The following RSRC1 variants were observed in gnomAD, a reference collection of about 807,000 sequenced individuals.
RSRC1 encodes arginine and serine rich coiled-coil 1.
Under a neutral mutation model 49.1 loss-of-function variants are expected in RSRC1, and 39 were observed. That is an observed-to-expected ratio of 0.79 (90% CI 0.61 to 1.04). The LOEUF (loss-of-function observed/expected upper bound fraction) is 1.04, where lower values mean the gene tolerates loss of function less well. Ranked by LOEUF, RSRC1 falls within the 50% of genes least tolerant of loss-of-function variation. The probability of loss-of-function intolerance (pLI) is 0.00; values close to 1 mark genes in which losing one functional copy is unlikely to be tolerated. For missense variants in RSRC1, 388 were observed against 402.4 expected, an observed-to-expected ratio of 0.96 and a Z score of 0.31; for synonymous variants, 143 against 130.8, an observed-to-expected ratio of 1.09 and a Z score of -0.63.
At chr3:158,195,501 A>G (rs1204725585) in intron 3 of RSRC1, among the ~76,000 whole-genome samples, 1 of 151,960 alleles carries the variant, frequency 6.6e-6, no homozygotes, top group Non-Finnish European at 1.5e-5. Context: ...TCTTTAGTTT[A>G]ATTAGATCCT....
intron 6 of RSRC1, among the ~76,000 whole-genome samples, chr3:158,425,059 T>G (rs919103238): frequency 6.0e-5 from 9 of 151,216 alleles, no homozygotes; most frequent in African/African-American, 1.7e-4. Flanking sequence ...TTTTGAAGGG[T>G]TTTTTGTGTC....
At chr3:158,320,500 T>G (rs539951839) in intron 5 of RSRC1, among the ~76,000 whole-genome samples, 1 of 152,316 alleles carries the variant, frequency 6.6e-6, no homozygotes, top group East Asian at 1.9e-4. Flanking sequence ...AACTAACCAT[T>G]TAGAATCTTC....
intron 3 of RSRC1, among the ~76,000 whole-genome samples, chr3:158,186,356 T>C (rs1719930865): frequency 6.6e-6 from 1 of 152,010 alleles, no homozygotes; most frequent in South Asian, 2.1e-4. Context: ...GCAACTACTT[T>C]TATCCAATAT....
chr3:158,458,855 A>G (rs1198163299), intron 6 of RSRC1, among the ~76,000 whole-genome samples: 1 of 152,200 alleles, frequency 6.6e-6, no homozygotes, highest in Non-Finnish European at 1.5e-5. Context: ...TATGAATGCC[A>G]TGAGTTCTTC....
chr3:158,352,510 A>C (rs1210027985), intron 5 of RSRC1, among the ~76,000 whole-genome samples: 4 of 152,190 alleles, frequency 2.6e-5, no homozygotes, highest in African/African-American at 7.2e-5. Flanking sequence ...AAATACAAAA[A>C]AAAATTAGTC....
At chr3:158,383,766 T>C (rs2108284390) in intron 6 of RSRC1, among the ~76,000 whole-genome samples, 1 of 152,284 alleles carries the variant, frequency 6.6e-6, no homozygotes, top group East Asian at 1.9e-4. Context: ...AAAGACAGTA[T>C]ACAAGTTTAT....
chr3:158,410,612 A>G (rs1734410535), intron 6 of RSRC1, among the ~76,000 whole-genome samples: 1 of 152,156 alleles, frequency 6.6e-6, no homozygotes, highest in Non-Finnish European at 1.5e-5. Flanking sequence ...TTCCTAGCAT[A>G]TAGAAGGTGC....
At chr3:158,344,228 C>A (rs185512022) in intron 5 of RSRC1, among the ~76,000 whole-genome samples, 1 of 152,104 alleles carries the variant, frequency 6.6e-6, no homozygotes, top group African/African-American at 2.4e-5. Context: ...CATTGCACTT[C>A]AGCCTAGCCG....
chr3:158,414,096 C>T (rs1734613892), intron 6 of RSRC1, among the ~76,000 whole-genome samples: 1 of 152,148 alleles, frequency 6.6e-6, no homozygotes, highest in Non-Finnish European at 1.5e-5. Flanking sequence ...AAGATACATG[C>T]ACATGTATGT....
intron 4 of RSRC1, among the ~76,000 whole-genome samples, chr3:158,285,271 G>C (rs1383275730): frequency 6.6e-6 from 1 of 152,184 alleles, no homozygotes; most frequent in South Asian, 2.1e-4. Flanking sequence ...TTTGGTAGCA[G>C]TACCATGCTG....
chr3:158,203,018 T>C (rs1721148363), intron 3 of RSRC1, 54 bp from the exon 4 acceptor site: 2 of 1,420,076 alleles, frequency 1.4e-6, no homozygotes, highest in African/African-American at 2.8e-5. Context: ...AGTATTTACT[T>C]TTCACGATAC....
At chr3:158,186,272 A>G (rs1056985004) in intron 3 of RSRC1, among the ~76,000 whole-genome samples, 2 of 151,910 alleles carry the variant, frequency 1.3e-5, no homozygotes, top group Non-Finnish European at 2.9e-5. Context: ...ATTTGTTTCA[A>G]CTCTGTCTCT....
chr3:158,469,150 AATG>A (rs1738017876), intron 7 of RSRC1, among the ~76,000 whole-genome samples: 1 of 152,154 alleles, frequency 6.6e-6, no homozygotes, highest in Non-Finnish European at 1.5e-5. Flanking sequence ...AGTTCTTGAT[AATG>A]ATAGTAACAT....
rs192696074 is a variant in RSRC1 at position 158,354,834 on chromosome 3, A to G, written c.532-23A>G. ...ACCTGTAAAAGTCTTGTATGGTTGA[A>G]TTTTTTTTTTTTTCTTTTTTAGCCA... On this transcript the variant is annotated intron_variant, in intron 5 of 9. Coordinates refer to ENST00000611884, the MANE Select transcript of RSRC1 (RefSeq NM_001271838.2). 983 of 1,160,864 alleles carry G rather than the reference A, an allele frequency of 8.5e-4. 3 individuals carry two copies. The African/African-American group carries it at 0.014, about 17-fold the overall frequency. The allele number at this position is 1,160,864 out of a possible 1,614,324, so 71.9% of individuals were successfully genotyped here.
At chr3:158,326,166 C>A (rs573107335) in intron 5 of RSRC1, among the ~76,000 whole-genome samples, 9 of 152,152 alleles carry the variant, frequency 5.9e-5, no homozygotes, top group Non-Finnish European at 1.3e-4. Context: ...ACAATCATGT[C>A]ATCTGCAAAC....
At chr3:158,452,898 T>C (rs1355212801) in intron 6 of RSRC1, among the ~76,000 whole-genome samples, 1 of 152,172 alleles carries the variant, frequency 6.6e-6, no homozygotes, top group Non-Finnish European at 1.5e-5. Flanking sequence ...ACATTCTAGT[T>C]AGGCAAGTAA....
At chr3:158,246,571 G>C (rs1408817436) in intron 4 of RSRC1, among the ~76,000 whole-genome samples, 1 of 152,140 alleles carries the variant, frequency 6.6e-6, no homozygotes, top group Non-Finnish European at 1.5e-5. Context: ...TACAAGGCAG[G>C]TCTGGTGGTA....
chr3:158,433,265 A>T (rs928038789), intron 6 of RSRC1, among the ~76,000 whole-genome samples: 1 of 151,964 alleles, frequency 6.6e-6, no homozygotes, highest in Non-Finnish European at 1.5e-5. Flanking sequence ...CAGTATTTAT[A>T]TTGTTTTGTG....
intron 6 of RSRC1, among the ~76,000 whole-genome samples, chr3:158,386,381 CTTGT>C (rs1283534390): frequency 6.6e-6 from 1 of 151,902 alleles, no homozygotes. Flanking sequence ...TGTATGTAAT[CTTGT>C]TTAATACATT....
Sources: allele counts gnomAD v4.1 joint callset (sites outside exome capture counted in the v4.1 genomes callset), GRCh38; gene constraint gnomAD v4.1.1; transcripts MANE v1.5; gene names NCBI Gene and HGNC (gene_info 2026-07-23, HGNC 2026-07-21).